Variants in ATF7 observed in about 807,000 individuals in gnomAD.
ATF7 encodes cyclic AMP-dependent transcription factor ATF-7.
ATF7 carries 10 observed loss-of-function variants against 50.4 expected under a neutral mutation model. That is an observed-to-expected ratio of 0.20 (90% CI 0.12 to 0.34). The LOEUF is 0.34. Ranked by LOEUF, ATF7 falls within the 10% of genes least tolerant of loss-of-function variation. ATF7 has a pLI of 1.00. For missense variants in ATF7, 465 were observed against 613.9 expected (o/e 0.76, Z 2.56); for synonymous variants, 201 against 226.4 (o/e 0.89, Z 1.01).
At chr12:53,577,120 C>T (rs1053772110) in intron 2 of ATF7, among the ~76,000 whole-genome samples, 1 of 151,858 alleles carries the variant, frequency 6.6e-6, no homozygotes, top group African/African-American at 2.4e-5. Flanking sequence ...CATAGCTGAG[C>T]AAAGAATCTT....
chr12:53,520,000 C>A (rs1263749600), intron 11 of ATF7, among the ~76,000 whole-genome samples: 1 of 152,270 alleles, frequency 6.6e-6, no homozygotes, highest in East Asian at 1.9e-4. Context: ...CCCGCCTCAG[C>A]CTCCCAAAGT....
intron 4 of ATF7, among the ~76,000 whole-genome samples, chr12:53,541,871 G>C (rs1055682892): frequency 1.3e-5 from 2 of 152,014 alleles, no homozygotes; most frequent in Middle Eastern, 3.2e-3. Flanking sequence ...GCCCAGGCTG[G>C]AATGCAGTGG....
intron 11 of ATF7, among the ~76,000 whole-genome samples, chr12:53,520,692 T>G (rs888622546): frequency 1.3e-5 from 2 of 152,154 alleles, no homozygotes; most frequent in East Asian, 3.9e-4. Context: ...TGTCCAAAAC[T>G]GAGTTCCTGA....
intron 2 of ATF7, among the ~76,000 whole-genome samples, chr12:53,597,625 C>T (rs368125020): frequency 2.9e-4 from 44 of 152,058 alleles, no homozygotes; most frequent in African/African-American, 5.1e-4. Context: ...CTGGCTAACA[C>T]GGTGAAACCC....
chr12:53,552,573 C>G lies in ATF7; in HGVS notation c.113G>C (p.Gly38Ala). The G allele has an allele frequency of 2.5e-6, 4 of 1,613,854 alleles. No homozygotes were observed. The highest frequency in any genetic ancestry group is 3.4e-6 in the Non-Finnish European group (4 of 1,179,840). Residue 38 changes from glycine (G) to alanine (A), a missense_variant, in exon 3 of 12, where the codon GGC becomes GCC. Physicochemically the swap from Gly to Ala is moderately conservative, Grantham distance 60 (BLOSUM62 0). Transcript: ENST00000420353. ...GATGACTGAGTCAGTTCGGGCTGGG[C>G]CAAATTTCAATGTCATCTCATGCTT... ...KHKHEMTLKF[G>A]PARTDSVIIA...
intron 2 of ATF7, among the ~76,000 whole-genome samples, chr12:53,586,117 CT>C (rs1942669458): frequency 6.6e-6 from 1 of 152,154 alleles, no homozygotes; most frequent in African/African-American, 2.4e-5. Flanking sequence ...AAAGTCTCCC[CT>C]ATCCACTATT....
At chr12:53,519,466 C>T (rs949256798) in intron 11 of ATF7, among the ~76,000 whole-genome samples, 32 of 152,180 alleles carry the variant, frequency 2.1e-4, no homozygotes, top group African/African-American at 7.5e-4. Context: ...CTTTGGGAGA[C>T]AGAGGTGGGC....
At chr12:53,563,217 GATCT>G (rs1432258005) in intron 2 of ATF7, among the ~76,000 whole-genome samples, 23 of 152,046 alleles carry the variant, frequency 1.5e-4, no homozygotes, top group Non-Finnish European at 7.4e-5. Flanking sequence ...AATCTTCAGT[GATCT>G]ATCTTTCTTG....
At chr12:53,510,644 A>G (rs1361991417), downstream of ATF7, among the ~76,000 whole-genome samples, 3 of 152,260 alleles carry the variant, frequency 2.0e-5, no homozygotes, top group African/African-American at 7.2e-5. Context: ...TCCACGTAGC[A>G]TAGGGCAGCC....
At chr12:53,545,474 T>C (rs1367458281) in intron 3 of ATF7, among the ~76,000 whole-genome samples, 2 of 152,174 alleles carry the variant, frequency 1.3e-5, no homozygotes, top group South Asian at 2.1e-4. Context: ...GTAGCTGGGA[T>C]TGCAGGCGCG....
chr12:53,594,097 A>G (rs1179904964), intron 2 of ATF7, among the ~76,000 whole-genome samples: 3 of 152,264 alleles, frequency 2.0e-5, no homozygotes, highest in Non-Finnish European at 4.4e-5. Context: ...GCTATATGCT[A>G]TATGTAGTTT....
intron 2 of ATF7, 86 bp downstream of exon 2, chr12:53,600,867 C>G (rs10876467): frequency 0.2 from 267,266 of 1,337,320 alleles, 30,958 homozygotes; most frequent in East Asian, 0.57. Flanking sequence ...ACGTAAAATA[C>G]TGGCTTTAAA....
intron 1 of ATF7, among the ~76,000 whole-genome samples, chr12:53,625,643 A>G (rs965412961): frequency 9.2e-5 from 14 of 152,202 alleles, no homozygotes; most frequent in African/African-American, 2.6e-4. Context: ...AAATGCCATG[A>G]CCCTCATTTC....
intron 2 of ATF7, among the ~76,000 whole-genome samples, chr12:53,595,198 A>G (rs1389443573): frequency 6.6e-6 from 1 of 152,208 alleles, no homozygotes; most frequent in Non-Finnish European, 1.5e-5. Flanking sequence ...TGGGGAAAAA[A>G]GGCTTATTTT....
At chr12:53,555,256 C>T (rs1421483618) in intron 2 of ATF7, among the ~76,000 whole-genome samples, 7 of 150,152 alleles carry the variant, frequency 4.7e-5, no homozygotes, top group East Asian at 2.0e-4. Flanking sequence ...ACCAGGTAGA[C>T]GGAGGTTGCA....
chr12:53,600,195 A>G (rs962817138), intron 2 of ATF7, among the ~76,000 whole-genome samples: 1 of 152,208 alleles, frequency 6.6e-6, no homozygotes, highest in Non-Finnish European at 1.5e-5. Context: ...AACAGTCAAA[A>G]GAAATTTTTT....
Position 53,513,766 on chromosome 12 carries a change from A to G in ATF7, c.*3371T>C, listed in dbSNP as rs1944204382. ...AGTGTGGAGCAGGGGAGCCCCAGAA[A>G]CCACAGGAAGAATTTTTTTGGTGTC... On this transcript the variant is annotated 3_prime_UTR_variant, in exon 12 of 12. Transcript: ENST00000420353. 1 of 152,074 alleles carries G rather than the reference A, an allele frequency of 6.6e-6. No individual in the cohort carries two copies. Among genetic ancestry groups the G allele is most frequent in the African/African-American group, 2.4e-5 (1 of 41,392 alleles). 9.4% of individuals were successfully genotyped at this position (152,074 alleles called of 1,614,324 possible). A position where few individuals can be genotyped will look rare whatever the true frequency, so the allele number is the denominator to read the frequency against.
At position 53,524,337 on chromosome 12, in the gene ATF7, C is replaced by T. The variant is rs1182932175; in HGVS notation, c.1125+227G>A. Among the ~76,000 whole-genome samples, 8 of 152,120 alleles carry T rather than the reference C, an allele frequency of 5.3e-5. No individual in the cohort carries two copies. The highest frequency in any genetic ancestry group is 1.4e-4 in the African/African-American group (6 of 41,430). On this transcript the variant is annotated intron_variant, in intron 10 of 11. Coordinates refer to ENST00000420353, the MANE Select transcript of ATF7 (RefSeq NM_006856.3). The surrounding 1 kb of genome is among the most constrained non-coding windows in gnomAD (Gnocchi z 4.6). The stretch of plus-strand genomic sequence containing the variant: ...TTAATCTAATTCCTTCATCCAAATG[C>T]GTTTAAGGATGACTCTAATAGGAGA...
chr12:53,590,442 T>C (rs886947858), intron 2 of ATF7, among the ~76,000 whole-genome samples: 4 of 152,332 alleles, frequency 2.6e-5, no homozygotes, highest in Non-Finnish European at 2.9e-5. Flanking sequence ...TGAGACTTTA[T>C]TGTCCTCAAC....
Sources: gnomAD v4.1 joint callset for allele counts (sites outside exome capture counted in the v4.1 genomes callset) on GRCh38, gnomAD v4.1.1 for gene constraint, Gnocchi (gnomAD v3.1) non-coding constraint, MANE v1.5 for transcripts, NCBI Gene and HGNC (gene_info 2026-07-23, HGNC 2026-07-21) for gene names.